The following MBOAT1 variants were observed in gnomAD, a reference collection of about 807,000 sequenced individuals.
MBOAT1 encodes membrane bound glycerophospholipid O-acyltransferase 1.
In MBOAT1, 67 loss-of-function variants were observed where a neutral mutation model predicts 64.4. The observed-to-expected ratio is 1.04, with a 90% CI of 0.85 to 1.27. The LOEUF (loss-of-function observed/expected upper bound fraction) is 1.27. MBOAT1 is among the 50% of genes most tolerant of loss of function. The probability of loss-of-function intolerance (pLI) is 0.00; values close to 1 mark genes in which losing one functional copy is unlikely to be tolerated. For synonymous variants in MBOAT1, 229 were observed against 218.9 expected (o/e 1.05, Z -0.41); for missense variants, 563 against 604.6 (o/e 0.93, Z 0.72).
chr6:20,127,959 T>C (rs1181976190), intron 6 of MBOAT1, among the ~76,000 whole-genome samples: 1 of 152,004 alleles, frequency 6.6e-6, no homozygotes, highest in African/African-American at 2.4e-5. Context: ...ATTAGAATCT[T>C]TCAATAGTGC....
intron 1 of MBOAT1, among the ~76,000 whole-genome samples, chr6:20,169,137 A>G (rs1437712079): frequency 6.6e-6 from 1 of 152,148 alleles, no homozygotes; most frequent in Non-Finnish European, 1.5e-5. Flanking sequence ...GCTCTCCTGT[A>G]TACCAATAAT....
chr6:20,145,025 C>T (rs1452659047), intron 3 of MBOAT1, among the ~76,000 whole-genome samples: 2 of 152,202 alleles, frequency 1.3e-5, no homozygotes, highest in African/African-American at 4.8e-5. Flanking sequence ...CAAACACACA[C>T]ATCCACATAT....
chr6:20,210,975 TA>T (rs1266653646), intron 1 of MBOAT1, among the ~76,000 whole-genome samples: 1 of 152,126 alleles, frequency 6.6e-6, no homozygotes, highest in Non-Finnish European at 1.5e-5. Flanking sequence ...CACCAGAAAC[TA>T]AAGAGTAATT....
intron 8 of MBOAT1, among the ~76,000 whole-genome samples, chr6:20,121,391 T>G (rs59230514): frequency 0.063 from 9,597 of 152,224 alleles, 389 homozygotes; most frequent in Admixed American, 0.13. Flanking sequence ...AAACCTCAAA[T>G]TGAGGCCATA....
At chr6:20,122,836 A>T (rs201821292) in intron 8 of MBOAT1, among the ~76,000 whole-genome samples, 2 of 151,158 alleles carry the variant, frequency 1.3e-5, no homozygotes, top group South Asian at 4.2e-4. Context: ...TGAAAAAAAA[A>T]TTATTTTTTT....
Position 20,115,329 on chromosome 6 carries a change from G to C in MBOAT1, c.1035C>G (p.Tyr345Ter). The C allele has an allele frequency of 1.2e-6, 2 of 1,613,904 alleles. No individual in the cohort carries two copies. The highest frequency in any genetic ancestry group is 4.5e-5 in the East Asian group (2 of 44,868). Residue 345 changes from tyrosine to a stop codon, truncating the protein, a stop_gained, in exon 10 of 13, where the codon TAC (tyrosine) becomes TAG (stop). Coordinates refer to ENST00000324607, the MANE Select transcript of MBOAT1 (RefSeq NM_001080480.3). LOFTEE classifies it high-confidence loss of function. The stretch of plus-strand genomic sequence containing the variant: ...CTGTCTGAATATTCCAGTTTTCCAA[G>C]TACATTTTGAAACTTGTGGCAGTCT... ...KIETATSFKM[Y>*]LENWNIQTAT...
chr6:20,198,914 C>T (rs893359807), intron 1 of MBOAT1, among the ~76,000 whole-genome samples: 5 of 152,160 alleles, frequency 3.3e-5, no homozygotes, highest in African/African-American at 1.2e-4. Context: ...ATTTTAAGTT[C>T]GACCTAAATG....
chr6:20,197,621 A>T (rs1238947918), intron 1 of MBOAT1, among the ~76,000 whole-genome samples: 1 of 152,198 alleles, frequency 6.6e-6, no homozygotes, highest in African/African-American at 2.4e-5. Context: ...TCTACCTATG[A>T]CCTGGAAGCC....
At chr6:20,169,737 T>G (rs1466257103) in intron 1 of MBOAT1, among the ~76,000 whole-genome samples, 1 of 152,196 alleles carries the variant, frequency 6.6e-6, no homozygotes, top group Non-Finnish European at 1.5e-5. Flanking sequence ...ATAAACACGT[T>G]TTCCTGTGGT....
rs1337877818 is a variant in MBOAT1 at position 20,210,602 on chromosome 6, C to G, written c.99+1534G>C. Among the ~76,000 whole-genome samples the G allele has an allele frequency of 5.6e-4, 85 of 151,300 alleles. 1 individual carries two copies. Among genetic ancestry groups the G allele is most frequent in the Non-Finnish European group, 3.0e-5 (2 of 67,784 alleles). On this transcript the variant is annotated intron_variant, in intron 1 of 12. Coordinates refer to ENST00000324607, the MANE Select transcript of MBOAT1 (RefSeq NM_001080480.3). ...CTCTCCCTCCCTCCCTCCCTCCCTC[C>G]CTCCCAGTTTTAAACATTCCTAAGG...
At chr6:20,184,144 C>T (rs1340110967) in intron 1 of MBOAT1, among the ~76,000 whole-genome samples, 1 of 152,092 alleles carries the variant, frequency 6.6e-6, no homozygotes, top group African/African-American at 2.4e-5. Context: ...AGTATTTTAG[C>T]AATGCATGGA....
At chr6:20,110,359 C>T (rs1760103262) in intron 11 of MBOAT1, among the ~76,000 whole-genome samples, 1 of 151,840 alleles carries the variant, frequency 6.6e-6, no homozygotes, top group Admixed American at 6.6e-5. Flanking sequence ...ACTAAAGGCA[C>T]ATGCCACCAT....
Position 20,152,717 on chromosome 6 carries a change from C to A in MBOAT1, c.152G>T (p.Arg51Leu). The part of the protein sequence containing the change: ...LVALFAAFWF[R>L]IYLRPGTTSS... The stretch of plus-strand genomic sequence containing the variant: ...GGTTGTACCAGGACGTAAGTAGATG[C>A]GAAACCAGAAAGCAGCAAACAGAGC... The change falls in exon 2 of 13, where the codon CGC becomes CTC. Residue 51 changes from arginine (R) to leucine (L), a missense_variant. By Grantham distance (102) the Arg-to-Leu change is moderately radical. Coordinates refer to ENST00000324607, the MANE Select transcript of MBOAT1 (RefSeq NM_001080480.3). 1.2e-6 allele frequency: 2 copies of A among 1,612,082 alleles called. No individual in the cohort carries two copies. The highest frequency in any genetic ancestry group is 1.7e-6 in the Non-Finnish European group (2 of 1,178,696).
intron 11 of MBOAT1, among the ~76,000 whole-genome samples, chr6:20,111,871 T>TATATATACATATATATATAC (rs1760175642): frequency 7.3e-6 from 1 of 137,392 alleles, no homozygotes; most frequent in African/African-American, 2.9e-5. Flanking sequence ...TATATATACA[T>TATATATACATATATATATAC]ATATATATGT....
rs192977606 is a variant in MBOAT1, at chr6:20,111,882, A to G, written c.1209+994T>C. On this transcript the variant is annotated intron_variant, in intron 11 of 12. Coordinates refer to ENST00000324607, the MANE Select transcript of MBOAT1 (RefSeq NM_001080480.3). ...TACATATATATACATATATATATGT[A>G]TATATATATATTCCAGCACACCTGT... 9.5e-4 allele frequency among the ~76,000 whole-genome samples: 131 copies of G among 138,240 alleles called. 2 individuals are homozygous for G. Among genetic ancestry groups the G allele is most frequent in the Admixed American group, 1.8e-3 (25 of 13,588 alleles). 90.7% of individuals were successfully genotyped at this position (138,240 alleles called of 152,430 possible).
At chr6:20,176,974 TAATC>T (rs962831940) in intron 1 of MBOAT1, among the ~76,000 whole-genome samples, 1 of 152,202 alleles carries the variant, frequency 6.6e-6, no homozygotes, top group Admixed American at 6.5e-5. Context: ...TCTAGCTTCA[TAATC>T]ATTCATTATA....
At chr6:20,169,374 C>A (rs573523083) in intron 1 of MBOAT1, among the ~76,000 whole-genome samples, 2 of 152,218 alleles carry the variant, frequency 1.3e-5, no homozygotes, top group Admixed American at 6.5e-5. Context: ...TCTTATGGGG[C>A]AGGCTGGGAT....
intron 1 of MBOAT1, among the ~76,000 whole-genome samples, chr6:20,199,153 G>A (rs1481633120): frequency 6.6e-6 from 1 of 152,166 alleles, no homozygotes; most frequent in African/African-American, 2.4e-5. Context: ...ATATGGCTGT[G>A]CTGGAGTCTC....
intron 4 of MBOAT1, among the ~76,000 whole-genome samples, chr6:20,132,071 C>T (rs772139898): frequency 5.3e-5 from 8 of 151,652 alleles, no homozygotes; most frequent in Non-Finnish European, 1.2e-4. Context: ...TTTGTAGAGA[C>T]TGGGTCTTAC....
Sources: gnomAD v4.1 joint callset for allele counts (sites outside exome capture counted in the v4.1 genomes callset) on GRCh38, gnomAD v4.1.1 for gene constraint, MANE v1.5 for transcripts, NCBI Gene and HGNC (gene_info 2026-07-23, HGNC 2026-07-21) for gene names.